NCOA1: variants seen among roughly 807,000 people sequenced by gnomAD.
NCOA1 encodes Hin-2 protein.
NCOA1 carries 35 observed loss-of-function variants against 150.9 expected under a neutral mutation model. The ratio of observed to expected loss-of-function variants is 0.23; its 90% confidence interval spans 0.18 to 0.31. The LOEUF (loss-of-function observed/expected upper bound fraction) is 0.31. NCOA1 is among the 10% of genes least tolerant of loss of function. The pLI, the probability that NCOA1 is intolerant of heterozygous loss-of-function variation, is 1.00. For missense variants in NCOA1, 1,491 were observed against 1,749.3 expected (o/e 0.85, Z 2.63); for synonymous variants, 590 against 630.0 (o/e 0.94, Z 0.95).
intron 4 of NCOA1, among the ~76,000 whole-genome samples, chr2:24,654,275 A>G (rs1558876289): frequency 6.6e-6 from 1 of 152,026 alleles, no homozygotes. Flanking sequence ...TTAAATTGTA[A>G]ATTTTGCAAA....
rs1438336981 is a variant in NCOA1 at position 24,606,157 on chromosome 2, G to A, written c.-175+21597G>A. On this transcript the variant is annotated intron_variant, in intron 3 of 22. Coordinates refer to ENST00000348332, the MANE Select transcript of NCOA1 (RefSeq NM_003743.5). Reference sequence around the variant, plus strand: ...CAGTAATGATTGAGATGAACATTTGGGATTTCTCTTTTGTTTCCTTAATCT... The same window carrying A: ...CAGTAATGATTGAGATGAACATTTGAGATTTCTCTTTTGTTTCCTTAATCT... Among the ~76,000 whole-genome samples the A allele has an allele frequency of 2.6e-5, 4 of 151,516 alleles. No individual in the cohort carries two copies. The South Asian group carries it at 8.4e-4, about 32-fold the overall frequency.
At chr2:24,518,897 C>T (rs1006283176) in intron 1 of NCOA1, among the ~76,000 whole-genome samples, 16 of 152,106 alleles carry the variant, frequency 1.1e-4, no homozygotes, top group African/African-American at 3.9e-4. Flanking sequence ...TACCTTCCCC[C>T]AAGTGTTCTG....
chr2:24,693,569 A>G (rs1672767716), intron 10 of NCOA1, among the ~76,000 whole-genome samples: 1 of 152,172 alleles, frequency 6.6e-6, no homozygotes, highest in African/African-American at 2.4e-5. Flanking sequence ...ATAACTTTAT[A>G]TACCTATATT....
intron 2 of NCOA1, among the ~76,000 whole-genome samples, chr2:24,568,088 CAG>C (rs1245545261): frequency 6.6e-6 from 1 of 152,150 alleles, no homozygotes; most frequent in Non-Finnish European, 1.5e-5. Context: ...CAAATGTTCA[CAG>C]AGTGATATCC....
intron 13 of NCOA1, among the ~76,000 whole-genome samples, chr2:24,709,568 ATATTTGCAGACATCTTTTTAGTGCT>A: frequency 2.0e-5 from 3 of 152,152 alleles, no homozygotes; most frequent in Non-Finnish European, 4.4e-5. Context: ...TATTGGACAT[ATATTTGCAGACATCTTTTTAGTGCT>A]AAGGCTTACC....
intron 1 of NCOA1, among the ~76,000 whole-genome samples, chr2:24,543,960 C>G (rs764251721): frequency 2.6e-5 from 4 of 151,836 alleles, no homozygotes; most frequent in Non-Finnish European, 5.9e-5. Flanking sequence ...GTAGGGAGAT[C>G]AATTAAGAAG....
intron 17 of NCOA1, among the ~76,000 whole-genome samples, chr2:24,732,134 C>G (rs1397952277): frequency 6.6e-6 from 1 of 151,624 alleles, no homozygotes; most frequent in Non-Finnish European, 1.5e-5. Flanking sequence ...ATGCTTGATT[C>G]AGAAAAAAAA....
chr2:24,753,755 C>T (rs908886942), intron 20 of NCOA1, among the ~76,000 whole-genome samples: 5 of 152,118 alleles, frequency 3.3e-5, no homozygotes, highest in South Asian at 2.1e-4. Context: ...AGGACCTCTT[C>T]GCCATACCCA....
chr2:24,745,732 C>T (rs1663884331), intron 19 of NCOA1, among the ~76,000 whole-genome samples: 1 of 152,184 alleles, frequency 6.6e-6, no homozygotes, highest in Admixed American at 6.5e-5. Context: ...CATATACTTG[C>T]ATTTTCCACC....
intron 1 of NCOA1, among the ~76,000 whole-genome samples, chr2:24,528,722 A>C (rs1664755534): frequency 1.3e-5 from 2 of 152,132 alleles, no homozygotes; most frequent in South Asian, 4.1e-4. Context: ...AATGTATAAA[A>C]CTATTAACAT....
intron 1 of NCOA1, among the ~76,000 whole-genome samples, chr2:24,511,725 T>C (rs1371527625): frequency 6.6e-6 from 1 of 152,212 alleles, no homozygotes; most frequent in Admixed American, 6.5e-5. Context: ...TTTCTAATTT[T>C]GATAAGTCCA....
chr2:24,614,783 A>T (rs542338302), intron 3 of NCOA1, among the ~76,000 whole-genome samples: 4 of 152,222 alleles, frequency 2.6e-5, no homozygotes, highest in Non-Finnish European at 5.9e-5. Context: ...TTCTTCATGT[A>T]AACTTAGATA....
At chr2:24,495,475 C>A (rs1452677406) in intron 1 of NCOA1, among the ~76,000 whole-genome samples, 3 of 152,100 alleles carry the variant, frequency 2.0e-5, no homozygotes, top group African/African-American at 7.2e-5. Context: ...TTTGTTCTTA[C>A]CACTCCCCGA....
chr2:24,596,898 A>G (rs1043538968), intron 3 of NCOA1, among the ~76,000 whole-genome samples: 30 of 152,156 alleles, frequency 2.0e-4, no homozygotes, highest in Non-Finnish European at 4.0e-4. Flanking sequence ...CTGTTAATCC[A>G]TTTGGCTTTT....
At chr2:24,539,224 A>G (rs1665290137) in intron 1 of NCOA1, among the ~76,000 whole-genome samples, 1 of 152,118 alleles carries the variant, frequency 6.6e-6, no homozygotes, top group African/African-American at 2.4e-5. Context: ...TTGGCCTCCC[A>G]AAGTGCTGGG....
At chr2:24,564,099 TATC>T (rs1471043935) in intron 1 of NCOA1, among the ~76,000 whole-genome samples, 193 bp from the exon 2 acceptor site, 3 of 152,254 alleles carry the variant, frequency 2.0e-5, no homozygotes, top group Admixed American at 6.5e-5. Context: ...TTGATATATT[TATC>T]TATTATACCT....
intron 3 of NCOA1, among the ~76,000 whole-genome samples, chr2:24,588,355 C>G (rs935180853): frequency 6.6e-6 from 1 of 152,180 alleles, no homozygotes; most frequent in East Asian, 1.9e-4. Flanking sequence ...GGATTACAAC[C>G]GTGAGCTACT....
At chr2:24,723,039 G>C (rs1026391489) in intron 14 of NCOA1, among the ~76,000 whole-genome samples, 1 of 146,482 alleles carries the variant, frequency 6.8e-6, no homozygotes, top group Non-Finnish European at 1.5e-5. Context: ...CATGGTTTTT[G>C]TATATTTGTT....
At chr2:24,541,793 T>C (rs545966350) in intron 1 of NCOA1, among the ~76,000 whole-genome samples, 8 of 152,310 alleles carry the variant, frequency 5.3e-5, no homozygotes, top group African/African-American at 1.7e-4. Flanking sequence ...TTCATAGGAA[T>C]AAGACTCAGA....
Sources: allele counts gnomAD v4.1 joint callset (sites outside exome capture counted in the v4.1 genomes callset), GRCh38; gene constraint gnomAD v4.1.1; transcripts MANE v1.5; gene names NCBI Gene and HGNC (gene_info 2026-07-23, HGNC 2026-07-21).